Variants in LYST observed in about 807,000 individuals in gnomAD.
LYST encodes lysosomal-trafficking regulator.
LYST carries 192 observed loss-of-function variants against 413.6 expected under a neutral mutation model. That is an observed-to-expected ratio of 0.46 (90% CI 0.41 to 0.52). The LOEUF (loss-of-function observed/expected upper bound fraction) is 0.52, where lower values mean the gene tolerates loss of function less well. Ranked by LOEUF, LYST falls within the 20% of genes least tolerant of loss-of-function variation. LYST has a pLI of 0.00. For missense variants in LYST, 3,815 were observed against 4,499.9 expected (o/e 0.85, Z 4.35); for synonymous variants, 1,525 against 1,567.3 (o/e 0.97, Z 0.64).
At position 235,716,720 on chromosome 1, in the gene LYST, T is replaced by C; in HGVS notation, c.9619A>G (p.Thr3207Ala). The change falls in exon 41 of 53, where the codon ACA (threonine) becomes GCA (alanine). Residue 3207 changes from threonine (T) to alanine (A), a missense_variant. Thr to Ala is a moderately conservative substitution (Grantham distance 58, BLOSUM62 0). This residue lies in a region of LYST where 866 missense variants were observed against 1,156.0 expected (regional missense o/e 0.75). Transcript: ENST00000389793. ...YKEKEDRYVD[T>A]YKYLEEEYRK... ...GTAAAAACAAAAGCTACCTTGTATG[T>C]GTCCACATAACGATCTTCTTTTTCT... The C allele has an allele frequency of 6.3e-7, 1 of 1,589,998 alleles. No individual in the cohort carries two copies. The highest frequency in any genetic ancestry group is 8.6e-7 in the Non-Finnish European group (1 of 1,158,810).
chr1:235,814,081 T>C (rs1231958244), intron 3 of LYST, among the ~76,000 whole-genome samples: 1 of 152,162 alleles, frequency 6.6e-6, no homozygotes, highest in Non-Finnish European at 1.5e-5. Context: ...CAGTTGATTA[T>C]CTATGGCACA....
chr1:235,678,516 T>A (rs1012158315), intron 48 of LYST, among the ~76,000 whole-genome samples: 4 of 152,168 alleles, frequency 2.6e-5, no homozygotes, highest in Non-Finnish European at 2.9e-5. Flanking sequence ...CACACAGGGT[T>A]TGACTCTTGC....
chr1:235,754,610 G>C (rs1304356934), intron 25 of LYST, among the ~76,000 whole-genome samples: 3 of 152,072 alleles, frequency 2.0e-5, no homozygotes, highest in African/African-American at 7.2e-5. Flanking sequence ...GCTTTTATTT[G>C]TTTCTAGTTT....
At chr1:235,796,024 T>C (rs764434504) in intron 10 of LYST, among the ~76,000 whole-genome samples, 71 of 151,644 alleles carry the variant, frequency 4.7e-4, no homozygotes, top group Non-Finnish European at 8.3e-4. Context: ...AAATAAAAGG[T>C]TGGGATTGAA....
chr1:235,841,201 T>C (rs750182942), intron 1 of LYST, among the ~76,000 whole-genome samples: 7 of 152,216 alleles, frequency 4.6e-5, no homozygotes, highest in African/African-American at 9.7e-5. Flanking sequence ...TCTCATGGTT[T>C]CCAATACCAG....
intron 50 of LYST, among the ~76,000 whole-genome samples, chr1:235,669,796 T>C (rs1222193751): frequency 6.6e-6 from 1 of 152,238 alleles, no homozygotes; most frequent in East Asian, 1.9e-4. Flanking sequence ...TTTGTTCTTT[T>C]GTTGCTTCAT....
At chr1:235,876,226 AAAAAAGAAAATACATTTTCTT>A (rs1681131920) in intron 1 of LYST, among the ~76,000 whole-genome samples, 1 of 152,152 alleles carries the variant, frequency 6.6e-6, no homozygotes, top group African/African-American at 2.4e-5. Context: ...TGTCTCAAGA[AAAAAAGAAAATACATTTTCTT>A]TTTTATCTGC....
At chr1:235,761,756 A>G (rs1377092440) in intron 22 of LYST, among the ~76,000 whole-genome samples, 2 of 150,056 alleles carry the variant, frequency 1.3e-5, no homozygotes, top group African/African-American at 5.0e-5. Flanking sequence ...GGAACTTTGG[A>G]GTGTGATTAA....
At chr1:235,868,983 C>T (rs1398147372), upstream of LYST, among the ~76,000 whole-genome samples, 4 of 152,120 alleles carry the variant, frequency 2.6e-5, no homozygotes, top group East Asian at 5.8e-4. Flanking sequence ...GCATGAGACA[C>T]CGCTCCTGGC....
intron 16 of LYST, among the ~76,000 whole-genome samples, 162 bp from the exon 17 acceptor site, chr1:235,777,470 C>A (rs1246169387): frequency 6.6e-6 from 1 of 152,160 alleles, no homozygotes; most frequent in African/African-American, 2.4e-5. Flanking sequence ...AGAAGCAAGG[C>A]TGTTTCCCAC....
In LYST at chr1:235,724,128, A is replaced by G. The variant is rs145077787; in HGVS notation, c.9215T>C (p.Ile3072Thr). Residue 3072 changes from isoleucine (I) to threonine (T), a missense_variant, in exon 39 of 53, where the codon ATT becomes ACT. By Grantham distance (89) the Ile-to-Thr change is moderately conservative (BLOSUM62 -1). Around this residue, in one of 4 missense-constraint regions of LYST, gnomAD observed 866 missense variants for 1,156.0 expected, o/e 0.75. Transcript: ENST00000389793. ...PASFSWTYEE[I>T]KEVHKRWWQL... ...CCACCAACGCTTGTGAACTTCTTTA[A>G]TTTCTTCATATGTCCAGGAAAATGA... 1 of 1,613,836 alleles carries G rather than the reference A, an allele frequency of 6.2e-7. No individual in the cohort carries two copies. Among genetic ancestry groups the G allele is most frequent in the East Asian group, 2.2e-5 (1 of 44,860 alleles).
intron 42 of LYST, among the ~76,000 whole-genome samples, chr1:235,713,529 T>C (rs1054658879): frequency 2.6e-5 from 4 of 152,194 alleles, no homozygotes. Flanking sequence ...AAACCTGTGG[T>C]TCTCAACCAG....
At chr1:235,871,880 A>C (rs1388745419), upstream of LYST, among the ~76,000 whole-genome samples, 2 of 152,228 alleles carry the variant, frequency 1.3e-5, no homozygotes, top group Admixed American at 1.3e-4. Flanking sequence ...CTTGCATTAA[A>C]AGATTTCTAC....
intron 28 of LYST, 116 bp downstream of exon 28, chr1:235,751,094 C>T: frequency 3.8e-6 from 4 of 1,061,664 alleles, no homozygotes; most frequent in Non-Finnish European, 5.7e-6. Flanking sequence ...AGGAAAAAAT[C>T]TTTCTTAAAT....
chr1:235,852,077 G>C (rs1164062559), intron 1 of LYST, among the ~76,000 whole-genome samples: 3 of 152,174 alleles, frequency 2.0e-5, no homozygotes, highest in Non-Finnish European at 2.9e-5. Flanking sequence ...TCTCTGAAGA[G>C]TGCATTAAGG....
In LYST at chr1:235,738,790, T is replaced by G. The variant is rs553600044; in HGVS notation, c.8358+2632A>C. On this transcript the variant is annotated intron_variant, in intron 31 of 52. Transcript: ENST00000389793. The stretch of plus-strand genomic sequence containing the variant: ...GTGGCAGATTTGGCAGAAAGTATAA[T>G]GAAGAATCTTAGGCGGGTGCACCCA... 50 of 984,488 alleles carry G rather than the reference T, an allele frequency of 5.1e-5. No homozygotes were observed. The African/African-American group carries it at 7.4e-4, about 15-fold the overall frequency. 61.0% of individuals were successfully genotyped at this position (984,488 alleles called of 1,614,324 possible).
At chr1:235,705,942 C>T (rs985030396) in intron 44 of LYST, among the ~76,000 whole-genome samples, 4 of 152,036 alleles carry the variant, frequency 2.6e-5, no homozygotes, top group African/African-American at 9.7e-5. Context: ...CAAGCAAGAG[C>T]CACTACCACC....
rs769964867 is a variant in LYST, at chr1:235,800,311, T to C, written c.4006+9A>G. On this transcript the variant is annotated intron_variant, in intron 10 of 52. Coordinates refer to ENST00000389793, the MANE Select transcript of LYST (RefSeq NM_000081.4). ...TTCAGAGCTATTGTTTAAAACAGTT[T>C]CAACTTACCTTGAAAATCAGAATCA... 1.3e-6 allele frequency: 2 copies of C among 1,544,716 alleles called. No individual in the cohort carries two copies. The highest frequency in any genetic ancestry group is 2.2e-5 in the South Asian group (2 of 89,658).
At chr1:235,679,266 C>T (rs1047200394) in intron 48 of LYST, among the ~76,000 whole-genome samples, 1 of 152,162 alleles carries the variant, frequency 6.6e-6, no homozygotes, top group Non-Finnish European at 1.5e-5. Context: ...ACACTCTCCA[C>T]AGCCAGGAGT....
Sources: gnomAD v4.1 joint callset for allele counts (sites outside exome capture counted in the v4.1 genomes callset) on GRCh38, gnomAD v4.1.1 for gene constraint, gnomAD v4.1.1 regional missense constraint, MANE v1.5 for transcripts, NCBI Gene and HGNC (gene_info 2026-07-23, HGNC 2026-07-21) for gene names.